Variants in KAT2B observed in about 807,000 individuals in gnomAD.
KAT2B encodes the protein histone acetyltransferase KAT2B.
A neutral mutation model predicts 105.9 loss-of-function variants in KAT2B; 36 were observed. The observed-to-expected ratio is 0.34, with a 90% CI of 0.26 to 0.45. KAT2B has a LOEUF of 0.45. KAT2B is among the 20% of genes least tolerant of loss of function. The pLI, the probability that KAT2B is intolerant of heterozygous loss-of-function variation, is 1.00. For missense variants in KAT2B, 820 were observed against 1,021.6 expected, an observed-to-expected ratio of 0.80 and a Z score of 2.69; for synonymous variants, 397 against 377.9, an observed-to-expected ratio of 1.05 and a Z score of -0.59.
chr3:20,087,412 C>T (rs994377596), intron 2 of KAT2B, among the ~76,000 whole-genome samples: 3 of 151,288 alleles, frequency 2.0e-5, no homozygotes, highest in African/African-American at 4.9e-5. Context: ...ATATATTTAT[C>T]GTGTATAATG....
chr3:20,047,691 C>A (rs1019529050), intron 1 of KAT2B, among the ~76,000 whole-genome samples: 1 of 148,162 alleles, frequency 6.7e-6, no homozygotes, highest in Non-Finnish European at 1.5e-5. Flanking sequence ...CAGTTTACTG[C>A]AGCCTCCACC....
intron 1 of KAT2B, among the ~76,000 whole-genome samples, chr3:20,054,834 C>T (rs1177209476): frequency 6.6e-6 from 1 of 152,170 alleles, no homozygotes; most frequent in Non-Finnish European, 1.5e-5. Flanking sequence ...ACTCACAGGA[C>T]TACCTGACTC....
chr3:20,064,786 T>TA (rs770854511), intron 1 of KAT2B, among the ~76,000 whole-genome samples: 2 of 152,242 alleles, frequency 1.3e-5, no homozygotes, highest in Non-Finnish European at 2.9e-5. Context: ...GGATCAGTTA[T>TA]ACTGAATAAA....
chr3:20,085,992 T>TG (rs1698607634), intron 2 of KAT2B, among the ~76,000 whole-genome samples: 1 of 151,924 alleles, frequency 6.6e-6, no homozygotes, highest in Non-Finnish European at 1.5e-5. Context: ...TGTTTTGAGC[T>TG]GGGCATGGTG....
chr3:20,049,019 G>A (rs1284091395), intron 1 of KAT2B, among the ~76,000 whole-genome samples: 3 of 146,520 alleles, frequency 2.0e-5, no homozygotes, highest in Non-Finnish European at 4.6e-5. Context: ...CCGCCACCAC[G>A]CCCGGCTAAT....
chr3:20,147,853 T>C, intron 14 of KAT2B, 110 bp from the exon 15 acceptor site: 4 of 970,316 alleles, frequency 4.1e-6, no homozygotes, highest in Non-Finnish European at 6.2e-6. Flanking sequence ...CTCTCAGAAG[T>C]AGACTTTTAT....
At chr3:20,053,739 C>T (rs1420213966) in intron 1 of KAT2B, among the ~76,000 whole-genome samples, 1 of 152,138 alleles carries the variant, frequency 6.6e-6, no homozygotes, top group Non-Finnish European at 1.5e-5. Flanking sequence ...ACTTTAAAGT[C>T]TACAATAGAC....
intron 1 of KAT2B, among the ~76,000 whole-genome samples, chr3:20,049,085 T>C (rs569418537): frequency 2.6e-5 from 4 of 151,270 alleles, no homozygotes; most frequent in Non-Finnish European, 5.9e-5. Context: ...TGGTCTCGAT[T>C]TCTTGACCTC....
At chr3:20,148,042 T>G in intron 15 of KAT2B, 43 bp downstream of exon 15, 1 of 1,590,036 alleles carries the variant, frequency 6.3e-7, no homozygotes, top group Non-Finnish European at 8.6e-7. Context: ...AGTGATTTTT[T>G]TTTTTCCCCA....
chr3:20,144,226 C>G (rs767549732), intron 13 of KAT2B, among the ~76,000 whole-genome samples: 2 of 146,108 alleles, frequency 1.4e-5, no homozygotes, highest in Non-Finnish European at 3.0e-5. Context: ...TTGAAACAGT[C>G]TTCAGCATAT....
intron 1 of KAT2B, among the ~76,000 whole-genome samples, chr3:20,068,778 T>C (rs1159569870): frequency 6.6e-6 from 1 of 152,212 alleles, no homozygotes; most frequent in Non-Finnish European, 1.5e-5. Flanking sequence ...AAGGTGTTTT[T>C]GGTTATTACT....
At chr3:20,130,614 AG>A (rs1412643523) in intron 11 of KAT2B, among the ~76,000 whole-genome samples, 3 of 152,212 alleles carry the variant, frequency 2.0e-5, no homozygotes, top group Non-Finnish European at 4.4e-5. Flanking sequence ...GGGATACTAA[AG>A]GGAAACTGAA....
At chr3:20,101,555 C>T in intron 5 of KAT2B, 87 bp downstream of exon 5, 1 of 1,004,428 alleles carries the variant, frequency 1.0e-6, no homozygotes, top group South Asian at 1.6e-5. Flanking sequence ...TATAGGGCTG[C>T]CTAGTTATCA....
intron 2 of KAT2B, among the ~76,000 whole-genome samples, chr3:20,075,191 G>C (rs2125183087): frequency 6.6e-6 from 1 of 152,204 alleles, no homozygotes; most frequent in South Asian, 2.1e-4. Context: ...TTGAACCTAG[G>C]AGGCGGAGGT....
chr3:20,061,161 C>T (rs970673101), intron 1 of KAT2B, among the ~76,000 whole-genome samples: 7 of 152,154 alleles, frequency 4.6e-5, no homozygotes, highest in South Asian at 2.1e-4. Context: ...TCCAACCCCT[C>T]GGCAACCACC....
chr3:20,067,259 T>C (rs1374553434), intron 1 of KAT2B, among the ~76,000 whole-genome samples: 1 of 152,218 alleles, frequency 6.6e-6, no homozygotes. Context: ...GTTTATTGTA[T>C]GGTAGAATTC....
chr3:20,058,670 T>G (rs1698043991), intron 1 of KAT2B, among the ~76,000 whole-genome samples: 1 of 152,144 alleles, frequency 6.6e-6, no homozygotes. Flanking sequence ...CTTGAAGTCA[T>G]AGCATTATGG....
Position 20,148,389 on chromosome 3 carries a change from T to C in KAT2B, c.2221-14T>C. On this transcript the variant is annotated splice_polypyrimidine_tract_variant and intron_variant, in intron 16 of 17. Coordinates refer to ENST00000263754, the MANE Select transcript of KAT2B (RefSeq NM_003884.5). ...ATTTCCATATTAGATACCTTACTTT[T>C]TTCTTTACCCAAGAGCCATCAAAGC... 1 of 1,610,352 alleles carries C rather than the reference T, an allele frequency of 6.2e-7. No individual in the cohort carries two copies. The highest frequency in any genetic ancestry group is 8.5e-7 in the Non-Finnish European group (1 of 1,178,704).
intron 1 of KAT2B, among the ~76,000 whole-genome samples, chr3:20,048,130 T>C (rs1010133847): frequency 7.9e-5 from 12 of 152,248 alleles, no homozygotes; most frequent in Middle Eastern, 3.4e-3. Context: ...TGTGGTGACT[T>C]CTCTAAAATG....
Sources: allele counts gnomAD v4.1 joint callset (sites outside exome capture counted in the v4.1 genomes callset), GRCh38; gene constraint gnomAD v4.1.1; transcripts MANE v1.5; gene names NCBI Gene and HGNC (gene_info 2026-07-23, HGNC 2026-07-21).